The following NAALADL2 variants were observed in gnomAD, a reference collection of about 807,000 sequenced individuals.
NAALADL2 encodes the protein N-acetylated alpha-linked acidic dipeptidase like 2.
Under a neutral mutation model 87.2 loss-of-function variants are expected in NAALADL2, and 76 were observed. The ratio of observed to expected loss-of-function variants is 0.87; its 90% confidence interval spans 0.72 to 1.05. The LOEUF (loss-of-function observed/expected upper bound fraction) is 1.05. Ranked by LOEUF, NAALADL2 falls within the 50% of genes least tolerant of loss-of-function variation. The probability of loss-of-function intolerance (pLI) is 0.00; values close to 1 mark genes in which losing one functional copy is unlikely to be tolerated. For missense variants in NAALADL2, 1,089 were observed against 945.8 expected, an observed-to-expected ratio of 1.15 and a Z score of -1.99; for synonymous variants, 354 against 331.0, an observed-to-expected ratio of 1.07 and a Z score of -0.75.
At chr3:174,550,950 T>C (rs1712046497) in intron 2 of NAALADL2, 1 of 152,086 alleles carries the variant, frequency 6.6e-6, no homozygotes, top group Non-Finnish European at 1.5e-5. Flanking sequence ...AAACATGCCT[T>C]GAATAGTAAA....
At chr3:174,936,772 G>C (rs1049706773) in intron 1 of NAALADL2, among the ~76,000 whole-genome samples, 3 of 152,070 alleles carry the variant, frequency 2.0e-5, no homozygotes, top group Non-Finnish European at 4.4e-5. Flanking sequence ...ACTGATGCCT[G>C]TTCTTGTAAA....
At chr3:174,841,696 A>G (rs1029575856) in intron 3 of NAALADL2, among the ~76,000 whole-genome samples, 1 of 152,178 alleles carries the variant, frequency 6.6e-6, no homozygotes, top group African/African-American at 2.4e-5. Flanking sequence ...TGCCAATAAT[A>G]CCATTTGAAC....
chr3:175,588,534 C>CTT (rs1168817019), intron 10 of NAALADL2, among the ~76,000 whole-genome samples: 1,454 of 78,096 alleles, frequency 0.019, 98 homozygotes, highest in Admixed American at 0.034. Flanking sequence ...TCTTTCTTTT[C>CTT]TTTTTTTTTT....
rs536566855 is a variant in NAALADL2 at position 175,384,002 on chromosome 3, T to G, written c.1090+59677T>G. Reference sequence around the variant, plus strand: ...CTTGTTTCATGCAACCCTGTTTTCATTAGGATGCTTACTTCTTGCCTCAAG... The same window carrying G: ...CTTGTTTCATGCAACCCTGTTTTCAGTAGGATGCTTACTTCTTGCCTCAAG... On this transcript the variant is annotated intron_variant, in intron 5 of 13. Transcript: ENST00000454872. Among the ~76,000 whole-genome samples the G allele has an allele frequency of 9.9e-5, 15 of 152,186 alleles. No individual in the cohort carries two copies. In the South Asian group the frequency reaches 2.9e-3, roughly 29 times the overall value.
At chr3:175,621,110 A>G (rs1726167882) in intron 10 of NAALADL2, among the ~76,000 whole-genome samples, 1 of 152,120 alleles carries the variant, frequency 6.6e-6, no homozygotes, top group African/African-American at 2.4e-5. Context: ...TCACTCCGTC[A>G]CGGATTCTAC....
intron 2 of NAALADL2, among the ~76,000 whole-genome samples, chr3:174,619,319 A>T (rs1338739987): frequency 6.6e-6 from 1 of 151,918 alleles, no homozygotes; most frequent in African/African-American, 2.4e-5. Context: ...GGTTTTCTTG[A>T]CTATTCATTG....
chr3:175,677,481 GTGTGTGT>G (rs1560961388), intron 11 of NAALADL2, among the ~76,000 whole-genome samples: 1 of 119,170 alleles, frequency 8.4e-6, no homozygotes, highest in African/African-American at 4.0e-5. Flanking sequence ...ATAATGGGGT[GTGTGTGT>G]GTGTGTGTGT....
intron 4 of NAALADL2, among the ~76,000 whole-genome samples, chr3:175,279,034 T>C (rs146176089): frequency 1.5e-3 from 227 of 152,298 alleles, no homozygotes; most frequent in African/African-American, 5.0e-3. Flanking sequence ...AAGTTCACTT[T>C]GTGTATCCTT....
chr3:175,619,917 C>T (rs973589106), intron 10 of NAALADL2, among the ~76,000 whole-genome samples: 4 of 151,948 alleles, frequency 2.6e-5, no homozygotes, highest in African/African-American at 9.7e-5. Flanking sequence ...TGAAGCCAAA[C>T]TGGATTGGAA....
At chr3:174,657,522 C>T (rs995594861) in intron 2 of NAALADL2, among the ~76,000 whole-genome samples, 3 of 152,076 alleles carry the variant, frequency 2.0e-5, no homozygotes, top group Non-Finnish European at 4.4e-5. Context: ...GAGAGGAAGG[C>T]ATAGAGATAT....
chr3:174,725,333 T>A (rs1455233388), intron 2 of NAALADL2, among the ~76,000 whole-genome samples: 1 of 146,318 alleles, frequency 6.8e-6, no homozygotes, highest in Non-Finnish European at 1.5e-5. Context: ...TTTTTTAAAC[T>A]TAATTATTTA....
At chr3:175,131,483 C>A (rs1400551215) in intron 2 of NAALADL2, among the ~76,000 whole-genome samples, 1 of 152,140 alleles carries the variant, frequency 6.6e-6, no homozygotes, top group Non-Finnish European at 1.5e-5. Context: ...GGTCACAGAT[C>A]AACAGGATAA....
At chr3:175,791,855 C>T (rs1174251161) in intron 13 of NAALADL2, among the ~76,000 whole-genome samples, 2 of 148,622 alleles carry the variant, frequency 1.3e-5, no homozygotes, top group Non-Finnish European at 3.0e-5. Context: ...GGACCCTCTT[C>T]AACCCTCTAA....
chr3:174,764,541 T>A (rs534036654), intron 3 of NAALADL2, among the ~76,000 whole-genome samples: 17 of 152,196 alleles, frequency 1.1e-4, no homozygotes, highest in African/African-American at 4.1e-4. Flanking sequence ...ACCCAGGAGG[T>A]GTAGGTTGCA....
At chr3:175,508,515 A>C (rs1253296618) in intron 9 of NAALADL2, among the ~76,000 whole-genome samples, 1 of 152,166 alleles carries the variant, frequency 6.6e-6, no homozygotes, top group Non-Finnish European at 1.5e-5. Context: ...CTATTATCTC[A>C]TTAACTTGAA....
At chr3:175,280,860 T>C (rs1276270223) in intron 4 of NAALADL2, among the ~76,000 whole-genome samples, 1 of 152,022 alleles carries the variant, frequency 6.6e-6, no homozygotes, top group Non-Finnish European at 1.5e-5. Context: ...TTTAATCTTT[T>C]TATCCTGATG....
chr3:175,339,060 C>T (rs917794422), intron 5 of NAALADL2, among the ~76,000 whole-genome samples: 32 of 152,216 alleles, frequency 2.1e-4, no homozygotes, highest in Non-Finnish European at 3.7e-4. Flanking sequence ...CAGCAGAACC[C>T]TGAAGGAGTG....
intron 4 of NAALADL2, among the ~76,000 whole-genome samples, chr3:175,320,270 C>T (rs1006176157): frequency 6.6e-6 from 1 of 152,034 alleles, no homozygotes; most frequent in Admixed American, 6.6e-5. Context: ...TAAAAAGAAA[C>T]TTAGTATATT....
intron 1 of NAALADL2, among the ~76,000 whole-genome samples, chr3:174,881,323 G>A (rs1459333193): frequency 6.6e-6 from 1 of 151,946 alleles, no homozygotes; most frequent in Non-Finnish European, 1.5e-5. Flanking sequence ...AAATCTTTGG[G>A]ATTTTGAACA....
Sources: gnomAD v4.1 joint callset for allele counts (sites outside exome capture counted in the v4.1 genomes callset) on GRCh38, gnomAD v4.1.1 for gene constraint, MANE v1.5 for transcripts, NCBI Gene and HGNC (gene_info 2026-07-23, HGNC 2026-07-21) for gene names.